DOC2B: variants seen among roughly 807,000 people sequenced by gnomAD.
The protein encoded by DOC2B is double C2-like domain-containing protein beta.
Under a neutral mutation model 28.9 loss-of-function variants are expected in DOC2B, and 21 were observed. That is an observed-to-expected ratio of 0.73 (90% CI 0.52 to 1.05). The LOEUF is 1.05. DOC2B is among the 50% of genes least tolerant of loss of function. DOC2B has a pLI of 0.00. For synonymous variants in DOC2B, 194 were observed against 178.1 expected, an observed-to-expected ratio of 1.09 and a Z score of -0.71; for missense variants, 384 against 421.1, an observed-to-expected ratio of 0.91 and a Z score of 0.77.
At chr17:156,503 G>GT (rs2040137862) in intron 5 of DOC2B, 126 bp from the exon 6 acceptor site, 2 of 1,024,878 alleles carry the variant, frequency 2.0e-6, no homozygotes, top group South Asian at 3.1e-5. Flanking sequence ...TCCCTGGTGA[G>GT]TGGCCTCACT....
At chr17:172,875 G>C (rs986583624) in intron 1 of DOC2B, among the ~76,000 whole-genome samples, 32 of 152,234 alleles carry the variant, frequency 2.1e-4, no homozygotes, top group African/African-American at 7.7e-4. Flanking sequence ...CCAGTTCCCT[G>C]TCTGGCCCAG....
Position 155,799 on chromosome 17 carries a change from A to C in DOC2B, c.923+421T>G, listed in dbSNP as rs141893517. ...GTGGACTCTTATCCGCATCTGTAGC[A>C]CCATTATAGGGCTGGGCAAATGTGG... On this transcript the variant is annotated intron_variant, in intron 6 of 8. Transcript: ENST00000613549. Among the ~76,000 whole-genome samples, 772 of 152,274 alleles carry C rather than the reference A, an allele frequency of 5.1e-3. 8 individuals are homozygous for C. The highest frequency in any genetic ancestry group is 0.018 in the African/African-American group (727 of 41,540).
chr17:164,802 G>C (rs2040243779), intron 2 of DOC2B, among the ~76,000 whole-genome samples: 1 of 152,226 alleles, frequency 6.6e-6, no homozygotes, highest in Admixed American at 6.5e-5. Context: ...AGCATGGACA[G>C]AGAGGGGCTT....
At chr17:162,636 G>A (rs147555988) in intron 3 of DOC2B, among the ~76,000 whole-genome samples, 2,325 of 152,356 alleles carry the variant, frequency 0.015, 53 homozygotes, top group East Asian at 0.071. Flanking sequence ...AGAGACCACT[G>A]CTGGACTTCT....
chr17:157,096 C>T (rs935559105), intron 5 of DOC2B, among the ~76,000 whole-genome samples: 47 of 152,318 alleles, frequency 3.1e-4, no homozygotes, highest in African/African-American at 1.1e-3. Context: ...CTAACATTAG[C>T]GCTAAGCGGC....
intron 1 of DOC2B, among the ~76,000 whole-genome samples, chr17:179,875 C>T (rs2040417431): frequency 1.3e-5 from 2 of 152,280 alleles, no homozygotes; most frequent in Admixed American, 6.5e-5. Context: ...CTACAGGGGC[C>T]CTGCTCTAAC....
At chr17:173,065 G>C (rs2040330297) in intron 1 of DOC2B, among the ~76,000 whole-genome samples, 1 of 152,194 alleles carries the variant, frequency 6.6e-6, no homozygotes, top group African/African-American at 2.4e-5. Context: ...CAGCTGATTT[G>C]CTCAACAGTC....
intron 1 of DOC2B, among the ~76,000 whole-genome samples, chr17:174,099 C>T (rs1484765438): frequency 6.6e-6 from 1 of 152,202 alleles, no homozygotes; most frequent in African/African-American, 2.4e-5. Flanking sequence ...TAATGAAAGG[C>T]CACGAGTGTG....
intron 6 of DOC2B, among the ~76,000 whole-genome samples, chr17:152,132 C>CT (rs1312643248): frequency 6.6e-6 from 1 of 152,106 alleles, no homozygotes; most frequent in Non-Finnish European, 1.5e-5. Flanking sequence ...TGCACAGTGC[C>CT]TTCTGCTTGC....
In DOC2B at chr17:174,294, C is replaced by T. The variant is rs150113424; in HGVS notation, c.374-1678G>A. On this transcript the variant is annotated intron_variant, in intron 1 of 8. Transcript: ENST00000613549. Reference sequence around the variant, plus strand: ...CCTGCTGTGTGGCCAGCTTATCTAACGTCTTTATGCCTCAGTTTACTCATC... The same window carrying T: ...CCTGCTGTGTGGCCAGCTTATCTAATGTCTTTATGCCTCAGTTTACTCATC... 3.9e-3 allele frequency among the ~76,000 whole-genome samples: 592 copies of T among 152,336 alleles called. 6 individuals carry two copies. The highest frequency in any genetic ancestry group is 0.013 in the African/African-American group (545 of 41,568).
In DOC2B at chr17:145,408, C is replaced by T. The variant is rs2040011732; in HGVS notation, c.*2033G>A. 1.3e-5 allele frequency: 2 copies of T among 152,200 alleles called. No individual in the cohort carries two copies. Among genetic ancestry groups the T allele is most frequent in the African/African-American group, 4.8e-5 (2 of 41,416 alleles). The allele number at this position is 152,200 out of a possible 1,614,324, so 9.4% of individuals were successfully genotyped here. ...TGGCAAACTACTCAGACTCTGGGAA[C>T]CTGTTTCACCTGCAAGATGGGGATG... On this transcript the variant is annotated 3_prime_UTR_variant, in exon 9 of 9. Coordinates refer to ENST00000613549, the MANE Select transcript of DOC2B (RefSeq NM_003585.5).
Position 181,083 on chromosome 17 carries a change from G to A in DOC2B, c.373+24C>T, listed in dbSNP as rs907471731. The A allele has an allele frequency of 3.2e-6, 4 of 1,234,498 alleles. No homozygotes were observed. Among genetic ancestry groups the A allele is most frequent in the Admixed American group, 8.6e-5 (2 of 23,182 alleles). The allele number at this position is 1,234,498 out of a possible 1,614,324, so 76.5% of individuals were successfully genotyped here. A position where few individuals can be genotyped will look rare whatever the true frequency, so the allele number is the denominator to read the frequency against. ...GAGCCCGAGCCAGGGGAGGGGGCGC[G>A]AAGTCGGCGCGTGGGAAACTTACTG... is the stretch of plus-strand genomic sequence containing the variant. On this transcript the variant is annotated intron_variant, in intron 1 of 8. Coordinates refer to ENST00000613549, the MANE Select transcript of DOC2B (RefSeq NM_003585.5). The surrounding 1 kb of genome is among the most constrained non-coding windows in gnomAD (Gnocchi z 7.0).
chr17:179,712 C>T lies in DOC2B; in HGVS notation c.373+1395G>A, dbSNP rs531733031. On this transcript the variant is annotated intron_variant, in intron 1 of 8. Coordinates refer to ENST00000613549, the MANE Select transcript of DOC2B (RefSeq NM_003585.5). ...AGGGCACAGCCCTGAGGGCAAAAAA[C>T]TCTTCCGACCCAATCTCCCCAAGCT... Among the ~76,000 whole-genome samples the T allele has an allele frequency of 2.8e-3, 428 of 152,342 alleles. 2 individuals are homozygous for T. Among genetic ancestry groups the T allele is most frequent in the African/African-American group, 9.6e-3 (399 of 41,588 alleles).
chr17:180,707 G>T (rs1473996158), intron 1 of DOC2B, among the ~76,000 whole-genome samples: 2 of 151,824 alleles, frequency 1.3e-5, no homozygotes, highest in South Asian at 2.1e-4. Flanking sequence ...AGCGGGGAGC[G>T]ACCGCGCGGC....
intron 5 of DOC2B, among the ~76,000 whole-genome samples, chr17:160,815 C>T (rs111267220): frequency 2.1e-4 from 32 of 151,422 alleles, no homozygotes; most frequent in African/African-American, 7.4e-4. Context: ...TCTGACATAA[C>T]GTTGAGACAA....
At position 149,638 on chromosome 17, in the gene DOC2B, T is replaced by C. The variant is rs888279512; in HGVS notation, c.924-446A>G. On this transcript the variant is annotated intron_variant, in intron 6 of 8. Coordinates refer to ENST00000613549, the MANE Select transcript of DOC2B (RefSeq NM_003585.5). ...CTCCTGCCTCAGCCTCCAGAGTAGC[T>C]GGGACTACAGGCATGTGCCGCCATG... Among the ~76,000 whole-genome samples the C allele has an allele frequency of 2.6e-5, 4 of 152,220 alleles. No homozygotes were observed. The East Asian group carries it at 7.7e-4, about 29-fold the overall frequency.
intron 6 of DOC2B, among the ~76,000 whole-genome samples, chr17:153,686 G>A (rs1597816908): frequency 6.6e-6 from 1 of 150,968 alleles, no homozygotes; most frequent in South Asian, 2.1e-4. Context: ...GGGCAACAGA[G>A]TAAGACTCTG....
intron 6 of DOC2B, among the ~76,000 whole-genome samples, chr17:154,823 A>G (rs2040114923): frequency 2.0e-5 from 3 of 151,924 alleles, no homozygotes; most frequent in Admixed American, 2.0e-4. Context: ...TCCACCTCCC[A>G]GGTTGAAGTG....
chr17:148,293 G>A (rs1007170649), intron 7 of DOC2B, 24 bp from the exon 8 acceptor site: 88 of 398,858 alleles, frequency 2.2e-4, no homozygotes, highest in Middle Eastern at 6.3e-4. Flanking sequence ...GGGAGTGTTA[G>A]GGCTGATGCC....
Sources: gnomAD v4.1 joint callset for allele counts (sites outside exome capture counted in the v4.1 genomes callset) on GRCh38, gnomAD v4.1.1 for gene constraint, Gnocchi (gnomAD v3.1) non-coding constraint, MANE v1.5 for transcripts, NCBI Gene and HGNC (gene_info 2026-07-23, HGNC 2026-07-21) for gene names.